The following DPP6 variants were observed in gnomAD, a reference collection of about 807,000 sequenced individuals.
DPP6 encodes the protein A-type potassium channel modulatory protein DPP6.
In DPP6, 69 loss-of-function variants were observed where a neutral mutation model predicts 122.6. That is an observed-to-expected ratio of 0.56 (90% CI 0.46 to 0.69). The LOEUF is 0.69. Ranked by LOEUF, DPP6 falls within the 30% of genes least tolerant of loss-of-function variation. The pLI is 0.00. For synonymous variants in DPP6, 418 were observed against 433.1 expected (o/e 0.97, Z 0.43); for missense variants, 928 against 1,116.9 (o/e 0.83, Z 2.41).
chr7:154,390,540 T>C (rs1346056878), intron 1 of DPP6, among the ~76,000 whole-genome samples: 1 of 152,214 alleles, frequency 6.6e-6, no homozygotes, highest in East Asian at 1.9e-4. Flanking sequence ...TTTAAATAGA[T>C]GTCTCTGTAA....
chr7:154,073,773 G>A (rs10230955), intron 1 of DPP6, among the ~76,000 whole-genome samples: 1 of 147,830 alleles, frequency 6.8e-6, no homozygotes, highest in Non-Finnish European at 1.5e-5. Flanking sequence ...GTTACTTAAT[G>A]TATTTGAAAG....
At chr7:154,479,283 T>A (rs1823020209) in intron 3 of DPP6, among the ~76,000 whole-genome samples, 1 of 151,856 alleles carries the variant, frequency 6.6e-6, no homozygotes, top group Non-Finnish European at 1.5e-5. Context: ...CTGGGCCAGG[T>A]GTGGTGGCTC....
the DPP6 span, among the ~76,000 whole-genome samples, chr7:153,827,993 G>A: frequency 6.6e-6 from 1 of 152,192 alleles, no homozygotes; most frequent in East Asian, 1.9e-4. Context: ...TGTCAGTGGG[G>A]ACTCCACAAG....
At chr7:154,189,816 G>A (rs1395799628) in intron 1 of DPP6, among the ~76,000 whole-genome samples, 1 of 152,086 alleles carries the variant, frequency 6.6e-6, no homozygotes, top group Admixed American at 6.5e-5. Context: ...AGCTCTGGGA[G>A]GAAAACAAAG....
At chr7:154,339,862 C>T (rs1809770674) in intron 1 of DPP6, among the ~76,000 whole-genome samples, 1 of 152,090 alleles carries the variant, frequency 6.6e-6, no homozygotes, top group Non-Finnish European at 1.5e-5. Flanking sequence ...ATCACGAGGT[C>T]AGGAGTTCAA....
chr7:154,333,529 C>A (rs757189641), intron 1 of DPP6, among the ~76,000 whole-genome samples: 5 of 152,198 alleles, frequency 3.3e-5, no homozygotes, highest in Non-Finnish European at 5.9e-5. Flanking sequence ...GCATTGATTT[C>A]TCTCTCTGAC....
intron 6 of DPP6, among the ~76,000 whole-genome samples, chr7:154,649,245 C>CT (rs1836711466): frequency 6.6e-6 from 1 of 152,184 alleles, no homozygotes; most frequent in Non-Finnish European, 1.5e-5. Context: ...GAGGAGTGGT[C>CT]TGTTGCATGG....
intron 1 of DPP6, among the ~76,000 whole-genome samples, chr7:154,306,070 TTCCTC>T (rs376277659): frequency 1.2e-4 from 18 of 152,284 alleles, no homozygotes; most frequent in African/African-American, 4.1e-4. Flanking sequence ...TCGTGGCCCT[TTCCTC>T]CTGTTTCCCT....
At chr7:154,446,582 A>G (rs962117113) in intron 2 of DPP6, among the ~76,000 whole-genome samples, 1 of 152,220 alleles carries the variant, frequency 6.6e-6, no homozygotes, top group African/African-American at 2.4e-5. Context: ...TCACTTATTC[A>G]TGCTTGATCA....
rs1324481747 is a variant in DPP6, at chr7:154,443,366, A to C, written c.244-2848A>C. Among the ~76,000 whole-genome samples the C allele has an allele frequency of 2.0e-5, 3 of 151,442 alleles. No individual in the cohort carries two copies. The East Asian group carries it at 5.8e-4, about 29-fold the overall frequency. On this transcript the variant is annotated intron_variant, in intron 1 of 25. Coordinates refer to ENST00000377770, the MANE Select transcript of DPP6 (RefSeq NM_130797.4). ...TACAAGAAAAAAAATGAAAAAAAAAATGAAAGCCATTCAACTTCTGTTGAT... is the reference window on the plus strand; with the variant it reads ...TACAAGAAAAAAAATGAAAAAAAAACTGAAAGCCATTCAACTTCTGTTGAT...
chr7:154,683,982 C>T (rs1250846282), intron 7 of DPP6, among the ~76,000 whole-genome samples: 2 of 152,192 alleles, frequency 1.3e-5, no homozygotes, highest in African/African-American at 2.4e-5. Context: ...GATCCTCCCA[C>T]CTCAGCCTCC....
At chr7:153,772,456 C>T in the DPP6 span, among the ~76,000 whole-genome samples, 1 of 151,504 alleles carries the variant, frequency 6.6e-6, no homozygotes, top group Non-Finnish European at 1.5e-5. Context: ...GGGCAACCAC[C>T]AATAAAATGT....
Position 154,546,725 on chromosome 7 carries a change from A to C in DPP6, c.552+6099A>C, listed in dbSNP as rs543860083. ...ATTAATTAATTCTGACTCCTCACAG[A>C]AAGAGACATAAATAGGCAAGTATTA... On this transcript the variant is annotated intron_variant, in intron 4 of 25. Coordinates refer to ENST00000377770, the MANE Select transcript of DPP6 (RefSeq NM_130797.4). 2.0e-5 allele frequency among the ~76,000 whole-genome samples: 3 copies of C among 152,330 alleles called. No individual in the cohort carries two copies. The East Asian group carries it at 5.8e-4, about 29-fold the overall frequency.
At chr7:154,715,003 T>C (rs1413986382) in intron 7 of DPP6, among the ~76,000 whole-genome samples, 1 of 152,304 alleles carries the variant, frequency 6.6e-6, no homozygotes, top group African/African-American at 2.4e-5. Context: ...TTTTACCTGG[T>C]AGGCTCAGAA....
chr7:154,099,520 G>A (rs1025149439), intron 1 of DPP6, among the ~76,000 whole-genome samples: 1 of 152,018 alleles, frequency 6.6e-6, no homozygotes, highest in East Asian at 1.9e-4. Context: ...AAGAGGTCAC[G>A]TTGCAAAGTT....
At chr7:154,714,599 C>T (rs1841376391) in intron 7 of DPP6, among the ~76,000 whole-genome samples, 1 of 152,158 alleles carries the variant, frequency 6.6e-6, no homozygotes, top group Admixed American at 6.6e-5. Context: ...AACTCACTAT[C>T]ATGAGAACTG....
chr7:154,779,957 A>T (rs187643755), intron 10 of DPP6, among the ~76,000 whole-genome samples: 2 of 152,170 alleles, frequency 1.3e-5, no homozygotes, highest in South Asian at 4.1e-4. Flanking sequence ...CAATTTCACA[A>T]ATGTGCTCTG....
At chr7:154,587,580 A>G in intron 5 of DPP6, 1 of 1,475,112 alleles carries the variant, frequency 6.8e-7, no homozygotes, top group Non-Finnish European at 9.0e-7. Context: ...ATGCCCCAAA[A>G]TAGCATCCTG....
intron 1 of DPP6, among the ~76,000 whole-genome samples, chr7:154,385,292 T>G (rs539175988): frequency 3.0e-4 from 45 of 152,282 alleles, no homozygotes; most frequent in African/African-American, 1.1e-3. Context: ...CCTTCTACCA[T>G]GAAGACCCCA....
Sources: allele counts gnomAD v4.1 joint callset (sites outside exome capture counted in the v4.1 genomes callset), GRCh38; gene constraint gnomAD v4.1.1; transcripts MANE v1.5; gene names NCBI Gene and HGNC (gene_info 2026-07-23, HGNC 2026-07-21).